NKAIN3: variants seen among roughly 807,000 people sequenced by gnomAD.
NKAIN3 encodes the protein sodium/potassium-transporting ATPase subunit beta-1-interacting protein 3.
A neutral mutation model predicts 30.2 loss-of-function variants in NKAIN3; 25 were observed. That is an observed-to-expected ratio of 0.83 (90% CI 0.60 to 1.16). The LOEUF (loss-of-function observed/expected upper bound fraction) is 1.16. Among genes scored for constraint, NKAIN3 ranks in the 50% most tolerant of loss-of-function variants. NKAIN3 has a pLI of 0.00. For missense variants in NKAIN3, 225 were observed against 254.1 expected, an observed-to-expected ratio of 0.89 and a Z score of 0.78; for synonymous variants, 91 against 89.6, an observed-to-expected ratio of 1.02 and a Z score of -0.09.
At chr8:62,249,928 C>G (rs190768553) in intron 1 of NKAIN3, among the ~76,000 whole-genome samples, 2 of 152,310 alleles carry the variant, frequency 1.3e-5, no homozygotes, top group East Asian at 3.9e-4. Flanking sequence ...TGGACTGGCT[C>G]TGTGGTCTAT....
At chr8:62,730,461 T>C (rs1236941515) in intron 3 of NKAIN3, among the ~76,000 whole-genome samples, 1 of 152,096 alleles carries the variant, frequency 6.6e-6, no homozygotes, top group Non-Finnish European at 1.5e-5. Context: ...CCTTTCTTCT[T>C]TTCTATTATA....
At chr8:62,395,232 G>A (rs527324402) in intron 1 of NKAIN3, among the ~76,000 whole-genome samples, 1 of 142,068 alleles carries the variant, frequency 7.0e-6, no homozygotes, top group Non-Finnish European at 1.5e-5. Context: ...GGGAGGTGCG[G>A]GGAGAGGTGG....
chr8:62,537,912 T>C (rs1415650747), intron 1 of NKAIN3, among the ~76,000 whole-genome samples: 3 of 152,122 alleles, frequency 2.0e-5, no homozygotes, highest in Admixed American at 1.3e-4. Flanking sequence ...ATTTACTTTC[T>C]TCCACAACCT....
chr8:62,957,684 C>T (rs763216108), intron 6 of NKAIN3, among the ~76,000 whole-genome samples: 43 of 152,088 alleles, frequency 2.8e-4, no homozygotes, highest in Middle Eastern at 6.8e-3. Context: ...ACTATGGAGA[C>T]AGTACACAGA....
intron 1 of NKAIN3, among the ~76,000 whole-genome samples, chr8:62,257,405 A>G (rs1812297577): frequency 6.6e-6 from 1 of 152,200 alleles, no homozygotes; most frequent in Non-Finnish European, 1.5e-5. Flanking sequence ...TTACGCTGAA[A>G]CCTAATTTGT....
intron 1 of NKAIN3, among the ~76,000 whole-genome samples, chr8:62,470,001 T>A (rs996737841): frequency 5.3e-5 from 8 of 152,192 alleles, no homozygotes; most frequent in African/African-American, 1.9e-4. Context: ...CTCTCCCAAT[T>A]CCCCGCAGCC....
At position 62,813,546 on chromosome 8, in the gene NKAIN3, T is replaced by C. The variant is rs142630905; in HGVS notation, c.471+66417T>C. Among the ~76,000 whole-genome samples, 577 of 151,870 alleles carry C rather than the reference T, an allele frequency of 3.8e-3. 3 individuals carry two copies. The highest frequency in any genetic ancestry group is 0.013 in the African/African-American group (548 of 41,490). ...CATTTGGCCAGTCTGTATATTTTCATTGGGGAATTTAATCCATTTACATCC... is the reference window on the plus strand; with the variant it reads ...CATTTGGCCAGTCTGTATATTTTCACTGGGGAATTTAATCCATTTACATCC... On this transcript the variant is annotated intron_variant, in intron 4 of 6. Transcript: ENST00000623646.
At chr8:62,693,701 A>T (rs561465106) in intron 3 of NKAIN3, among the ~76,000 whole-genome samples, 4 of 152,254 alleles carry the variant, frequency 2.6e-5, no homozygotes. Context: ...AAGTACCCAA[A>T]CTTTGCCCCT....
intron 3 of NKAIN3, among the ~76,000 whole-genome samples, chr8:62,699,469 A>C (rs188745797): frequency 6.6e-6 from 1 of 152,336 alleles, no homozygotes; most frequent in East Asian, 1.9e-4. Context: ...ATCTGATTAC[A>C]TGATTGCTTC....
At chr8:62,583,042 G>A (rs75303542) in intron 2 of NKAIN3, among the ~76,000 whole-genome samples, 203 of 152,244 alleles carry the variant, frequency 1.3e-3, no homozygotes, top group East Asian at 0.01. Flanking sequence ...CACGTTAATG[G>A]TGAATCACTC....
chr8:62,301,952 A>G (rs892736179), intron 1 of NKAIN3, among the ~76,000 whole-genome samples: 2 of 152,048 alleles, frequency 1.3e-5, no homozygotes, highest in Admixed American at 6.6e-5. Context: ...TACCACCTGT[A>G]CCATTTGGAA....
chr8:62,260,661 A>G (rs1804343444), intron 1 of NKAIN3, among the ~76,000 whole-genome samples: 1 of 152,182 alleles, frequency 6.6e-6, no homozygotes, highest in African/African-American at 2.4e-5. Context: ...CGATGCAGGC[A>G]GTCATGGGCT....
At chr8:62,644,806 AG>A (rs1248620713) in intron 3 of NKAIN3, among the ~76,000 whole-genome samples, 1 of 152,196 alleles carries the variant, frequency 6.6e-6, no homozygotes, top group Non-Finnish European at 1.5e-5. Context: ...CACAGTGTTA[AG>A]CACAAAACAG....
At chr8:62,867,412 T>A (rs1820461522) in intron 4 of NKAIN3, among the ~76,000 whole-genome samples, 5 of 152,100 alleles carry the variant, frequency 3.3e-5, no homozygotes, top group African/African-American at 1.2e-4. Flanking sequence ...AATCAGTACA[T>A]GATATTCACT....
chr8:62,342,442 A>C (rs939786594), intron 1 of NKAIN3, among the ~76,000 whole-genome samples: 4 of 152,066 alleles, frequency 2.6e-5, no homozygotes, highest in Non-Finnish European at 5.9e-5. Flanking sequence ...TTATATGTAC[A>C]AAGACCAATG....
chr8:62,276,391 TGGA>T (rs1181746579), intron 1 of NKAIN3, among the ~76,000 whole-genome samples: 4 of 152,096 alleles, frequency 2.6e-5, no homozygotes, highest in Admixed American at 6.6e-5. Flanking sequence ...TCATTAGCAA[TGGA>T]GGAGAAGTAT....
At chr8:62,706,891 A>C (rs1016832640) in intron 3 of NKAIN3, among the ~76,000 whole-genome samples, 1 of 151,996 alleles carries the variant, frequency 6.6e-6, no homozygotes, top group Non-Finnish European at 1.5e-5. Flanking sequence ...ATGCCTTTGC[A>C]TCCTCATAGC....
At chr8:62,864,308 A>T in intron 4 of NKAIN3, 3 of 1,419,832 alleles carry the variant, frequency 2.1e-6, no homozygotes, top group Non-Finnish European at 2.0e-6. Context: ...GAGAAAGAAG[A>T]CCCTGAGAAA....
intron 4 of NKAIN3, among the ~76,000 whole-genome samples, chr8:62,844,240 A>T (rs978771298): frequency 6.6e-6 from 1 of 152,164 alleles, no homozygotes; most frequent in Non-Finnish European, 1.5e-5. Context: ...AAGCTATTTA[A>T]ATATTTTAGG....
Sources: allele counts gnomAD v4.1 joint callset (sites outside exome capture counted in the v4.1 genomes callset), GRCh38; gene constraint gnomAD v4.1.1; transcripts MANE v1.5; gene names NCBI Gene and HGNC (gene_info 2026-07-23, HGNC 2026-07-21).